TRERF1: variants seen among roughly 807,000 people sequenced by gnomAD.
The protein encoded by TRERF1 is transcriptional-regulating factor 1.
In TRERF1, 27 loss-of-function variants were observed where a neutral mutation model predicts 122.9. The ratio of observed to expected loss-of-function variants is 0.22; its 90% CI spans 0.16 to 0.30. The LOEUF (loss-of-function observed/expected upper bound fraction) is 0.30, where lower values mean the gene tolerates loss of function less well. TRERF1 is among the 10% of genes least tolerant of loss of function. The pLI is 1.00. For missense variants in TRERF1, 1,248 were observed against 1,560.3 expected (o/e 0.80, Z 3.37); for synonymous variants, 636 against 641.7 (o/e 0.99, Z 0.13).
In TRERF1 at chr6:42,375,465, C is replaced by A. The variant is rs534574352; in HGVS notation, c.-453-12386G>T. Among the ~76,000 whole-genome samples the A allele has an allele frequency of 5.3e-5, 8 of 152,354 alleles. No individual in the cohort carries two copies. In the South Asian group the frequency reaches 1.7e-3, roughly 32 times the overall value. On this transcript the variant is annotated intron_variant, in intron 2 of 17. Coordinates refer to ENST00000372922, the Ensembl canonical transcript of TRERF1. ...CTGAGGCTGACAGCTGTCTCGTCAC[C>A]TCTCTTGCTGATTTCGCTGCTCCTC...
chr6:42,254,771 T>C (rs1776428207), intron 13 of TRERF1, 80 bp downstream of exon 13: 1 of 1,326,614 alleles, frequency 7.5e-7, no homozygotes, highest in Non-Finnish European at 1.1e-6. Flanking sequence ...GTGTTATCCA[T>C]TGCTAGAAAG....
chr6:42,408,009 T>A (rs923452458), intron 2 of TRERF1, among the ~76,000 whole-genome samples: 2 of 151,652 alleles, frequency 1.3e-5, no homozygotes, highest in East Asian at 3.9e-4. Context: ...AAAAAGAAAG[T>A]GAAACACCTT....
rs1200397003 is a variant in TRERF1, at chr6:42,268,902, C to G, written c.689G>C (p.Gly230Ala). The change falls in exon 5 of 18, where the codon GGG becomes GCG. Residue 230 changes from glycine (G) to alanine (A), a missense_variant. Physicochemically the swap from Gly to Ala is moderately conservative, Grantham distance 60. This residue lies in a region of TRERF1 where 946 missense variants were observed against 1,073.0 expected (regional missense o/e 0.88). Transcript: ENST00000372922. This position sits in a 1 kb window ranked among gnomAD's most constrained non-coding sequence, Gnocchi z 4.4. ...CTGCTGGTAGTCATAATACAGGTGC[C>G]CTTGGGTAGGGTGCTGCCCGACCTG... 2.5e-6 allele frequency: 4 copies of G among 1,613,186 alleles called. No individual in the cohort carries two copies. The highest frequency in any genetic ancestry group is 2.5e-6 in the Non-Finnish European group (3 of 1,179,430).
At chr6:42,417,696 TG>T (rs1223443373) in intron 2 of TRERF1, among the ~76,000 whole-genome samples, 1 of 152,128 alleles carries the variant, frequency 6.6e-6, no homozygotes, top group Non-Finnish European at 1.5e-5. Context: ...CTGGAACACA[TG>T]GGCCCTGGAG....
chr6:42,382,691 G>A (rs1286305773), intron 2 of TRERF1, among the ~76,000 whole-genome samples: 2 of 151,820 alleles, frequency 1.3e-5, no homozygotes, highest in East Asian at 1.9e-4. Context: ...CAGTGGATTC[G>A]TGCAGCTTTT....
In TRERF1 at chr6:42,368,206, T is replaced by C. The variant is rs76626915; in HGVS notation, c.-453-5127A>G. Among the ~76,000 whole-genome samples the C allele has an allele frequency of 6.1e-3, 925 of 152,226 alleles. 7 individuals carry two copies. Among genetic ancestry groups the C allele is most frequent in the African/African-American group, 0.02 (845 of 41,526 alleles). ...CTCCAGTAAATACTCGGTAGATTAA[T>C]ACACAACATCAATACCTTCCTATTG... On this transcript the variant is annotated intron_variant, in intron 2 of 17. Transcript: ENST00000372922.
In TRERF1 at chr6:42,228,041, A is replaced by G. The variant is rs1769785543; in HGVS notation, c.*304T>C. On this transcript the variant is annotated 3_prime_UTR_variant, in exon 18 of 18. Transcript: ENST00000372922. This position sits in a 1 kb window ranked among gnomAD's most constrained non-coding sequence, Gnocchi z 4.2. ...GGCAACCGGGATGGTTGACATCTGA[A>G]TGCAATGGAACATGAAGGTCAGCTT... 3.9e-6 allele frequency: 1 copy of G among 257,170 alleles called. No homozygotes were observed. Among genetic ancestry groups the G allele is most frequent in the Non-Finnish European group, 7.3e-6 (1 of 136,210 alleles). The allele number at this position is 257,170 out of a possible 1,614,324, so 15.9% of individuals were successfully genotyped here.
chr6:42,324,287 T>C (rs1763925769), intron 3 of TRERF1, among the ~76,000 whole-genome samples: 1 of 152,232 alleles, frequency 6.6e-6, no homozygotes, highest in African/African-American at 2.4e-5. Context: ...TTCCATGCTC[T>C]TGAATCAGAA....
chr6:42,336,202 GGAATGAATGGAT>G (rs1766139967), intron 3 of TRERF1, among the ~76,000 whole-genome samples: 1 of 152,140 alleles, frequency 6.6e-6, no homozygotes, highest in Non-Finnish European at 1.5e-5. Flanking sequence ...GAGTGAATGC[GGAATGAATGGAT>G]GAATGAATGG....
At chr6:42,336,681 G>C (rs1766244214) in intron 3 of TRERF1, among the ~76,000 whole-genome samples, 1 of 152,138 alleles carries the variant, frequency 6.6e-6, no homozygotes, top group Non-Finnish European at 1.5e-5. Context: ...CTCCCAACTT[G>C]GCGGAGGAGC....
rs572714255 is a variant in TRERF1 at position 42,252,279 on chromosome 6, C to T, written c.2656+2572G>A. On this transcript the variant is annotated intron_variant, in intron 13 of 17. Transcript: ENST00000372922. ...GTCACTTTTTCCTTTTCTTAATGAA[C>T]GGCTTGGAGTGGGTGGGAAAGGGAA... Among the ~76,000 whole-genome samples the T allele has an allele frequency of 1.1e-3, 163 of 152,302 alleles. 1 individual carries two copies. The highest frequency in any genetic ancestry group is 2.0e-3 in the Non-Finnish European group (137 of 68,024).
intron 4 of TRERF1, among the ~76,000 whole-genome samples, chr6:42,299,116 C>CTGTCTGTCTGTCTGTCTGTCTGTATCTA (rs10627056): frequency 2.1e-5 from 3 of 141,672 alleles, no homozygotes; most frequent in African/African-American, 5.4e-5. Context: ...GTCTGTCTGT[C>CTGTCTGTCTGTCTGTCTGTCTGTATCTA]TCTATCTATC....
rs775081766 is a variant in TRERF1 at position 42,269,202 on chromosome 6, A to G, written c.389T>C (p.Ile130Thr). 5 of 1,614,022 alleles carry G rather than the reference A, an allele frequency of 3.1e-6. No individual in the cohort carries two copies. Among genetic ancestry groups the G allele is most frequent in the South Asian group, 1.1e-5 (1 of 91,094 alleles). The change falls in exon 5 of 18, where the codon ATC (isoleucine) becomes ACC (threonine). Residue 130 changes from isoleucine to threonine, a missense_variant. Coordinates refer to ENST00000372922, the Ensembl canonical transcript of TRERF1. This position sits in a 1 kb window ranked among gnomAD's most constrained non-coding sequence, Gnocchi z 4.9. ...ACCGCTGGTAAGCTTCTGGGTCCGG[A>G]TCTCGCTGGCCTGGGAGTAGGTGTA...
At chr6:42,446,161 G>A (rs1464792255) in intron 2 of TRERF1, among the ~76,000 whole-genome samples, 1 of 152,192 alleles carries the variant, frequency 6.6e-6, no homozygotes, top group South Asian at 2.1e-4. Context: ...CTATCCACCC[G>A]CTTCGGCCTC....
Position 42,228,241 on chromosome 6 carries a change from C to A in TRERF1, c.*104G>T. The A allele has an allele frequency of 3.1e-6, 3 of 958,798 alleles. No homozygotes were observed. The highest frequency in any genetic ancestry group is 4.5e-6 in the Non-Finnish European group (3 of 673,574). 59.4% of individuals were successfully genotyped at this position (958,798 alleles called of 1,614,324 possible). On this transcript the variant is annotated 3_prime_UTR_variant, in exon 18 of 18. Coordinates refer to ENST00000372922, the Ensembl canonical transcript of TRERF1. The surrounding 1 kb of genome is among the most constrained non-coding windows in gnomAD (Gnocchi z 4.2). Reference sequence around the variant, plus strand: ...CTGAATAAAATGACCACTTTTAAAACAGGTAGTTTAAAAGGGTTACAAAAC... The same window carrying A: ...CTGAATAAAATGACCACTTTTAAAAAAGGTAGTTTAAAAGGGTTACAAAAC...
At chr6:42,243,504 C>A in intron 14 of TRERF1, 143 bp from the exon 15 acceptor site, 2 of 590,030 alleles carry the variant, frequency 3.4e-6, no homozygotes, top group Non-Finnish European at 6.1e-6. Flanking sequence ...TGAAAGGCCT[C>A]CTTCACACGC....
chr6:42,344,344 C>G (rs1205846082), intron 3 of TRERF1, among the ~76,000 whole-genome samples: 1 of 152,134 alleles, frequency 6.6e-6, no homozygotes, highest in Non-Finnish European at 1.5e-5. Context: ...ACCAGCACTG[C>G]TCTATGCATA....
chr6:42,265,705 A>G, intron 6 of TRERF1, 46 bp downstream of exon 6: 1 of 1,591,582 alleles, frequency 6.3e-7, no homozygotes, highest in Non-Finnish European at 8.6e-7. Context: ...ACCCCAGAAA[A>G]TCCTCCCCGT....
chr6:42,294,180 A>ATT (rs70987589), intron 4 of TRERF1, among the ~76,000 whole-genome samples: 5,950 of 129,120 alleles, frequency 0.046, 281 homozygotes, highest in African/African-American at 0.058. Flanking sequence ...CTATAATGTA[A>ATT]TTTTTTTTTT....
Sources: allele counts gnomAD v4.1 joint callset (sites outside exome capture counted in the v4.1 genomes callset), GRCh38; gene constraint gnomAD v4.1.1; regional missense constraint gnomAD v4.1.1; non-coding constraint Gnocchi (gnomAD v3.1); transcripts MANE v1.5; gene names NCBI Gene and HGNC (gene_info 2026-07-23, HGNC 2026-07-21).